The following SEL1L2 variants were observed in gnomAD, a reference collection of about 807,000 sequenced individuals.
SEL1L2 encodes protein sel-1 homolog 2.
A neutral mutation model predicts 98.8 loss-of-function variants in SEL1L2; 89 were observed. The observed-to-expected ratio is 0.90, with a 90% confidence interval of 0.76 to 1.07. The LOEUF is 1.07. Ranked by LOEUF, SEL1L2 falls within the 50% of genes least tolerant of loss-of-function variation. The probability of loss-of-function intolerance (pLI) is 0.00; values close to 1 mark genes in which losing one functional copy is unlikely to be tolerated. For missense variants in SEL1L2, 788 were observed against 812.0 expected, an observed-to-expected ratio of 0.97 and a Z score of 0.36; for synonymous variants, 262 against 278.5, an observed-to-expected ratio of 0.94 and a Z score of 0.59.
At chr20:13,970,692 C>A (rs1555900886) in intron 1 of SEL1L2, among the ~76,000 whole-genome samples, 2 of 151,810 alleles carry the variant, frequency 1.3e-5, no homozygotes, top group Non-Finnish European at 2.9e-5. Flanking sequence ...ATTAGCCAAG[C>A]GTGGTGGCAG....
chr20:13,946,521 G>A (rs1424429714), intron 2 of SEL1L2, among the ~76,000 whole-genome samples: 2 of 152,232 alleles, frequency 1.3e-5, no homozygotes, highest in Non-Finnish European at 2.9e-5. Flanking sequence ...TGATGGTGGT[G>A]GCCCACCTGG....
chr20:13,919,025 C>G lies in SEL1L2; in HGVS notation c.382G>C (p.Glu128Gln), dbSNP rs1383585552. ...GGTCACTGGATAAAGACTTACTCTT[C>G]TTTTTGTTTTTGGCTTTTAGACTGC... Reference protein sequence around the residue: ...LQQSKSQKQKEEAYLLFAKAA... With the variant: ...LQQSKSQKQKQEAYLLFAKAA... Residue 128 changes from glutamate to glutamine, a missense_variant, in exon 4 of 20, where the codon GAA becomes CAA. Physicochemically the swap from Glu to Gln is conservative, Grantham distance 29. Coordinates refer to ENST00000284951, the MANE Select transcript of SEL1L2 (RefSeq NM_025229.2). The G allele has an allele frequency of 6.2e-7, 1 of 1,607,398 alleles. No individual in the cohort carries two copies. The highest frequency in any genetic ancestry group is 2.2e-5 in the East Asian group (1 of 44,802).
chr20:13,974,836 G>A (rs1231901530), intron 1 of SEL1L2, among the ~76,000 whole-genome samples: 1 of 152,080 alleles, frequency 6.6e-6, no homozygotes, highest in African/African-American at 2.4e-5. Flanking sequence ...CACATTTTGG[G>A]CAAAAGTTTT....
At chr20:13,954,955 G>T (rs755582921) in intron 2 of SEL1L2, among the ~76,000 whole-genome samples, 1 of 152,190 alleles carries the variant, frequency 6.6e-6, no homozygotes, top group Non-Finnish European at 1.5e-5. Context: ...GATAAGAGAG[G>T]AGCTATATTC....
Position 13,887,815 on chromosome 20 carries a change from C to A in SEL1L2, c.699G>T (p.Gln233His). 1.9e-6 allele frequency: 3 copies of A among 1,613,412 alleles called. No homozygotes were observed. Among genetic ancestry groups the A allele is most frequent in the Non-Finnish European group, 2.5e-6 (3 of 1,179,552 alleles). ...YRYLSGINVL[Q>H]NCEVALSYYK... ...AATAACTTAGGGCAACTTCACAATT[C>A]TGTAGAACATTGATTCCCGACAAAT... Residue 233 changes from glutamine (Q) to histidine (H), a missense_variant, in exon 8 of 20, where the codon CAG becomes CAT. Transcript: ENST00000284951.
At chr20:13,985,498 T>G (rs970489896) in intron 1 of SEL1L2, among the ~76,000 whole-genome samples, 3 of 152,192 alleles carry the variant, frequency 2.0e-5, no homozygotes, top group African/African-American at 7.2e-5. Flanking sequence ...AATTGACCTC[T>G]CCCTCATTCT....
At chr20:13,910,764 T>C (rs1453022799) in intron 5 of SEL1L2, among the ~76,000 whole-genome samples, 1 of 152,242 alleles carries the variant, frequency 6.6e-6, no homozygotes, top group Non-Finnish European at 1.5e-5. Context: ...AAGCAACTGA[T>C]GGTCACTTAA....
chr20:13,909,849 C>A (rs903076445), intron 5 of SEL1L2, among the ~76,000 whole-genome samples: 1 of 151,894 alleles, frequency 6.6e-6, no homozygotes, highest in Admixed American at 6.6e-5. Flanking sequence ...CCCGTAGTTC[C>A]GTTCCAGTTA....
intron 2 of SEL1L2, among the ~76,000 whole-genome samples, chr20:13,949,603 C>T (rs568075719): frequency 6.6e-6 from 1 of 151,866 alleles, no homozygotes; most frequent in Admixed American, 6.6e-5. Flanking sequence ...GCCGAGCTTG[C>T]AGTAAGCCAA....
At chr20:13,992,878 T>C (rs1474036124), upstream of SEL1L2, among the ~76,000 whole-genome samples, 2 of 152,172 alleles carry the variant, frequency 1.3e-5, no homozygotes, top group Non-Finnish European at 1.5e-5. Context: ...CCTCTTCTTA[T>C]AAGGCCTCAG....
intron 2 of SEL1L2, among the ~76,000 whole-genome samples, chr20:13,944,554 A>G (rs539559426): frequency 6.6e-6 from 1 of 152,188 alleles, no homozygotes; most frequent in Non-Finnish European, 1.5e-5. Flanking sequence ...TCAGGAAAGG[A>G]ACAGGTTTGG....
intron 2 of SEL1L2, among the ~76,000 whole-genome samples, chr20:13,934,584 A>T (rs1197233726): frequency 6.9e-6 from 1 of 144,124 alleles, no homozygotes; most frequent in African/African-American, 2.6e-5. Flanking sequence ...CCTGTGTGCA[A>T]GTATCTTTTT....
intron 2 of SEL1L2, among the ~76,000 whole-genome samples, chr20:13,951,411 G>A (rs1397025277): frequency 8.0e-5 from 11 of 138,324 alleles, no homozygotes; most frequent in African/African-American, 3.0e-4. Context: ...TCAGGAGATC[G>A]AAACACAGTG....
In SEL1L2 at chr20:13,866,792, A is replaced by G; in HGVS notation, c.1314T>C (p.Ser438=). The change falls in exon 15 of 20, where the codon TCT becomes TCC. Residue 438 remains serine (S), a synonymous_variant. Transcript: ENST00000284951. ...AAATGGCAAGGGGCTGCCCACTCTG[A>G]GATGCCAGGTAAAAATATTTGAAGG... is the stretch of plus-strand genomic sequence containing the variant. ...KLAFKYFYLA[S]QSGQPLAIYY... is the part of the protein sequence containing the mutation. 1 of 1,613,204 alleles carries G rather than the reference A, an allele frequency of 6.2e-7. No individual in the cohort carries two copies. Among genetic ancestry groups the G allele is most frequent in the African/African-American group, 1.3e-5 (1 of 74,992 alleles).
intron 5 of SEL1L2, among the ~76,000 whole-genome samples, chr20:13,898,917 A>C (rs145932196): frequency 0.012 from 1,802 of 151,896 alleles, 40 homozygotes; most frequent in African/African-American, 0.041. Flanking sequence ...TAATTTTTGT[A>C]TTTTTAGTAG....
intron 1 of SEL1L2, among the ~76,000 whole-genome samples, chr20:13,957,228 G>A (rs1441829393): frequency 6.6e-6 from 1 of 151,800 alleles, no homozygotes; most frequent in African/African-American, 2.4e-5. Flanking sequence ...AGCCTCCCAA[G>A]TAGCTGGGGT....
At chr20:13,981,744 T>G (rs1339959266) in intron 1 of SEL1L2, among the ~76,000 whole-genome samples, 3 of 152,244 alleles carry the variant, frequency 2.0e-5, no homozygotes, top group African/African-American at 7.2e-5. Flanking sequence ...TCATCAGTCC[T>G]GTCATAACAC....
chr20:13,913,551 C>A (rs370506387), intron 5 of SEL1L2: 17 of 363,416 alleles, frequency 4.7e-5, no homozygotes, highest in African/African-American at 3.5e-4. Flanking sequence ...TAGACAGTTT[C>A]ATATTTCTTC....
intron 1 of SEL1L2, among the ~76,000 whole-genome samples, chr20:13,966,609 T>G (rs1214028232): frequency 6.6e-6 from 1 of 152,146 alleles, no homozygotes; most frequent in Non-Finnish European, 1.5e-5. Context: ...TGTGAGCCAC[T>G]GCGCCTGGCC....
Sources: allele counts gnomAD v4.1 joint callset (sites outside exome capture counted in the v4.1 genomes callset), GRCh38; gene constraint gnomAD v4.1.1; transcripts MANE v1.5; gene names NCBI Gene and HGNC (gene_info 2026-07-23, HGNC 2026-07-21).